Variants in PPARGC1A observed in about 807,000 individuals in gnomAD.
PPARGC1A encodes the protein PPARG coactivator 1 alpha, also known as peroxisome proliferator-activated receptor gamma coactivator 1-alpha.
In PPARGC1A, 25 loss-of-function variants were observed where a neutral mutation model predicts 88.7. The observed-to-expected ratio is 0.28, with a 90% confidence interval of 0.21 to 0.39. The LOEUF (loss-of-function observed/expected upper bound fraction) is 0.39. Ranked by LOEUF, PPARGC1A falls within the 10% of genes least tolerant of loss-of-function variation. The pLI is 1.00. For missense variants in PPARGC1A, 880 were observed against 968.7 expected (o/e 0.91, Z 1.22); for synonymous variants, 363 against 355.6 (o/e 1.02, Z -0.24).
intron 10 of PPARGC1A, among the ~76,000 whole-genome samples, chr4:23,803,599 T>C (rs1719188651): frequency 6.6e-6 from 1 of 152,186 alleles, no homozygotes; most frequent in Non-Finnish European, 1.5e-5. Context: ...ATACCTCTTG[T>C]TCCAAGAAGA....
chr4:24,163,381 G>A, the PPARGC1A span, among the ~76,000 whole-genome samples: 1 of 151,898 alleles, frequency 6.6e-6, no homozygotes. Flanking sequence ...GAGCAGTCCT[G>A]AATACACAGC....
rs537976835 is a variant in PPARGC1A, at chr4:23,796,788, C to T, written c.2294-863G>A. Among the ~76,000 whole-genome samples, 57 of 152,114 alleles carry T rather than the reference C, an allele frequency of 3.7e-4. No homozygotes were observed. In the South Asian group the frequency reaches 4.2e-3, roughly 11 times the overall value. ...TATAATAAAAAGCCTCTTATAAATA[C>T]GTTAATTCTTTTGAAAACATTTATT... On this transcript the variant is annotated intron_variant, in intron 12 of 12. Transcript: ENST00000264867.
At chr4:24,438,650 T>G in the PPARGC1A span, among the ~76,000 whole-genome samples, 2 of 152,172 alleles carry the variant, frequency 1.3e-5, no homozygotes, top group Non-Finnish European at 2.9e-5. Context: ...AAACATTTCC[T>G]CTCAAAAATA....
the PPARGC1A span, among the ~76,000 whole-genome samples, chr4:24,228,078 C>A: frequency 6.6e-6 from 1 of 152,120 alleles, no homozygotes; most frequent in Non-Finnish European, 1.5e-5. Flanking sequence ...CAGCTACTCT[C>A]AGGAAGCTGG....
Position 23,874,394 on chromosome 4 carries a change from A to G in PPARGC1A, c.234+10358T>C, listed in dbSNP as rs549867379. Among the ~76,000 whole-genome samples the G allele has an allele frequency of 5.5e-4, 83 of 152,276 alleles. 1 individual carries two copies. In the South Asian group the frequency reaches 0.015, roughly 28 times the overall value. On this transcript the variant is annotated intron_variant, in intron 2 of 12. Coordinates refer to ENST00000264867, the MANE Select transcript of PPARGC1A (RefSeq NM_013261.5). ...ACGATGACCTATGTGAAAGCAGGCT[A>G]TTACATTTTGGTCTGCATGGCAGCT...
At chr4:24,136,417 G>C in the PPARGC1A span, among the ~76,000 whole-genome samples, 2,309 of 152,258 alleles carry the variant, frequency 0.015, 66 homozygotes, top group African/African-American at 0.053. Context: ...GTAAGATCTT[G>C]AGGCTGGAGT....
At chr4:24,367,608 G>A in the PPARGC1A span, among the ~76,000 whole-genome samples, 1 of 152,246 alleles carries the variant, frequency 6.6e-6, no homozygotes, top group East Asian at 1.9e-4. Flanking sequence ...GAAGATATCA[G>A]GGACATCTTA....
At chr4:24,401,015 C>CTTTTTTTTTTTTTTTTTTTTTTTTTTTT in the PPARGC1A span, among the ~76,000 whole-genome samples, 1 of 99,826 alleles carries the variant, frequency 1.0e-5, no homozygotes, top group African/African-American at 3.9e-5. Context: ...CCTGAATTTT[C>CTTTTTTTTTTTTTTTTTTTTTTTTTTTT]TTTTTTTTTT....
At chr4:23,842,726 C>G (rs940210753) in intron 2 of PPARGC1A, among the ~76,000 whole-genome samples, 3 of 152,210 alleles carry the variant, frequency 2.0e-5, no homozygotes, top group Admixed American at 6.5e-5. Flanking sequence ...AAATTGCCCT[C>G]AGTTGAGAAC....
chr4:23,898,399 G>A (rs929866281), intron 1 of PPARGC1A, among the ~76,000 whole-genome samples: 41 of 152,276 alleles, frequency 2.7e-4, no homozygotes, highest in East Asian at 2.5e-3. Context: ...TTTCCTTTAA[G>A]GTTGAGTGAA....
chr4:24,413,689 T>A, the PPARGC1A span, among the ~76,000 whole-genome samples: 2 of 152,230 alleles, frequency 1.3e-5, no homozygotes, highest in Non-Finnish European at 2.9e-5. Context: ...TTCTTTCCGC[T>A]GCTGGCTTCG....
At chr4:24,176,431 G>A in the PPARGC1A span, among the ~76,000 whole-genome samples, 1,411 of 152,208 alleles carry the variant, frequency 9.3e-3, 14 homozygotes, top group South Asian at 0.021. Context: ...ATGGAGGGGC[G>A]TGACACAAGA....
At chr4:24,401,631 A>C in the PPARGC1A span, among the ~76,000 whole-genome samples, 1 of 152,214 alleles carries the variant, frequency 6.6e-6, no homozygotes, top group African/African-American at 2.4e-5. Flanking sequence ...AAAACCCTTT[A>C]AGATAAATTC....
At chr4:23,830,226 A>G (rs561688337) in intron 3 of PPARGC1A, among the ~76,000 whole-genome samples, 18 of 152,308 alleles carry the variant, frequency 1.2e-4, no homozygotes, top group African/African-American at 4.3e-4. Context: ...AAGAATGACT[A>G]TCACTGATTT....
At chr4:23,855,957 T>C (rs1257576236) in intron 2 of PPARGC1A, among the ~76,000 whole-genome samples, 1 of 152,176 alleles carries the variant, frequency 6.6e-6, no homozygotes, top group South Asian at 2.1e-4. Context: ...AGACTCAACA[T>C]ATAGTAGACA....
the PPARGC1A span, among the ~76,000 whole-genome samples, chr4:23,952,019 C>A: frequency 6.6e-6 from 1 of 152,080 alleles, no homozygotes; most frequent in East Asian, 1.9e-4. Flanking sequence ...GTGGGACACC[C>A]TGGCCCACGG....
the PPARGC1A span, among the ~76,000 whole-genome samples, chr4:24,274,695 A>G: frequency 6.6e-6 from 1 of 152,206 alleles, no homozygotes; most frequent in African/African-American, 2.4e-5. Flanking sequence ...TATCTGCCAT[A>G]ACTTGCCAAC....
chr4:23,797,694 T>A (rs1717862349), intron 12 of PPARGC1A, among the ~76,000 whole-genome samples: 1 of 145,630 alleles, frequency 6.9e-6, no homozygotes, highest in Admixed American at 7.0e-5. Context: ...ACAGGCACAC[T>A]GTTACTCAGA....
At chr4:23,842,927 GTTA>G (rs1727325547) in intron 2 of PPARGC1A, among the ~76,000 whole-genome samples, 2 of 152,040 alleles carry the variant, frequency 1.3e-5, no homozygotes, top group African/African-American at 4.8e-5. Context: ...GATCTTAATA[GTTA>G]TTATTAACAC....
Sources: allele counts gnomAD v4.1 joint callset (sites outside exome capture counted in the v4.1 genomes callset), GRCh38; gene constraint gnomAD v4.1.1; transcripts MANE v1.5; gene names NCBI Gene and HGNC (gene_info 2026-07-23, HGNC 2026-07-21).